The following ZFYVE28 variants were observed in gnomAD, a reference collection of about 807,000 sequenced individuals.
ZFYVE28 encodes the protein zinc finger FYVE-type containing 28.
ZFYVE28 carries 40 observed loss-of-function variants against 82.1 expected under a neutral mutation model. That is an observed-to-expected ratio of 0.49 (90% CI 0.38 to 0.63). The LOEUF (loss-of-function observed/expected upper bound fraction) is 0.63. ZFYVE28 is among the 30% of genes least tolerant of loss of function. ZFYVE28 has a pLI of 0.00. For synonymous variants in ZFYVE28, 612 were observed against 546.1 expected (o/e 1.12, Z -1.68); for missense variants, 1,321 against 1,242.1 (o/e 1.06, Z -0.96).
At chr4:2,328,196 T>C (rs764982095) in intron 6 of ZFYVE28, among the ~76,000 whole-genome samples, 1 of 152,130 alleles carries the variant, frequency 6.6e-6, no homozygotes, top group Non-Finnish European at 1.5e-5. Flanking sequence ...GTGGTATATA[T>C]ACACAATAGA....
intron 6 of ZFYVE28, among the ~76,000 whole-genome samples, chr4:2,333,070 C>T (rs369403304): frequency 6.6e-6 from 1 of 151,982 alleles, no homozygotes; most frequent in Non-Finnish European, 1.5e-5. Flanking sequence ...GGCTCTCCCA[C>T]TGTCCTGAGC....
intron 7 of ZFYVE28, among the ~76,000 whole-genome samples, chr4:2,306,196 G>A (rs1163644328): frequency 2.6e-5 from 4 of 152,268 alleles, no homozygotes; most frequent in Non-Finnish European, 1.5e-5. Flanking sequence ...AGTTAATTCA[G>A]TGATGCTGAG....
In ZFYVE28 at chr4:2,408,917, C is replaced by G. The variant is rs993196258; in HGVS notation, c.39+9368G>C. ...GTTTCTAAGTGGACCTTCCCATGCA[C>G]TCAGCTTTAGGTTTTAGTTTCCTCT... is the stretch of plus-strand genomic sequence containing the variant. On this transcript the variant is annotated intron_variant, in intron 1 of 12. Transcript: ENST00000290974. The surrounding 1 kb of genome is among the most constrained non-coding windows in gnomAD (Gnocchi z 4.3). Among the ~76,000 whole-genome samples, 3 of 152,234 alleles carry G rather than the reference C, an allele frequency of 2.0e-5. No individual in the cohort carries two copies. The highest frequency in any genetic ancestry group is 6.5e-5 in the Admixed American group (1 of 15,288).
rs1560330940 is a variant in ZFYVE28, at chr4:2,394,651, GGTCACAGGCAGGGGCCTGGGTGTCGT to G, written c.39+23608_39+23633del. Among the ~76,000 whole-genome samples, 1 of 152,228 alleles carries G rather than the reference GGTCACAGGCAGGGGCCTGGGTGTCGT, an allele frequency of 6.6e-6. No individual in the cohort carries two copies. ...ATGCTTCCAGCTGCTCGGGCTGCTC[GGTCACAGGCAGGGGCCTGGGTGTCGT>G]GTCACACAGGTCTGCGATCCGATCC... On this transcript the variant is annotated intron_variant, in intron 1 of 12. Coordinates refer to ENST00000290974, the MANE Select transcript of ZFYVE28 (RefSeq NM_020972.3). This position sits in a 1 kb window ranked among gnomAD's most constrained non-coding sequence, Gnocchi z 4.0.
At chr4:2,283,081 T>C (rs1367192944) in intron 8 of ZFYVE28, among the ~76,000 whole-genome samples, 1 of 119,552 alleles carries the variant, frequency 8.4e-6, no homozygotes, top group Non-Finnish European at 1.7e-5. Flanking sequence ...AATGGTGGGC[T>C]GGCTGCTTCT....
At chr4:2,315,396 G>T (rs140647446) in intron 7 of ZFYVE28, among the ~76,000 whole-genome samples, 1 of 151,864 alleles carries the variant, frequency 6.6e-6, no homozygotes, top group African/African-American at 2.4e-5. Context: ...AGTGATTCTC[G>T]TGTCTCAGCT....
At chr4:2,334,627 C>T (rs1157247001) in intron 6 of ZFYVE28, among the ~76,000 whole-genome samples, 2 of 151,656 alleles carry the variant, frequency 1.3e-5, no homozygotes, top group African/African-American at 2.4e-5. Flanking sequence ...TGCCCACCCC[C>T]CACTCCCCGA....
chr4:2,315,501 T>C (rs1268354041), intron 7 of ZFYVE28, among the ~76,000 whole-genome samples: 1 of 151,914 alleles, frequency 6.6e-6, no homozygotes, highest in Non-Finnish European at 1.5e-5. Context: ...CTCCAACTCC[T>C]GGCTCAAGTG....
chr4:2,401,047 A>G (rs1224293306), intron 1 of ZFYVE28, among the ~76,000 whole-genome samples: 1 of 152,114 alleles, frequency 6.6e-6, no homozygotes, highest in East Asian at 1.9e-4. Context: ...CGTCACACAC[A>G]CCCTGAGAAT....
At position 2,304,153 on chromosome 4, in the gene ZFYVE28, A is replaced by G. The variant is rs1451671805; in HGVS notation, c.2051+136T>C. 12 of 1,166,578 alleles carry G rather than the reference A, an allele frequency of 1.0e-5. 1 individual carries two copies. Among genetic ancestry groups the G allele is most frequent in the African/African-American group, 6.1e-5 (4 of 65,252 alleles). 72.3% of individuals were successfully genotyped at this position (1,166,578 alleles called of 1,614,324 possible). A position where few individuals can be genotyped will look rare whatever the true frequency, so the allele number is the denominator to read the frequency against. On this transcript the variant is annotated intron_variant, in intron 8 of 12. Transcript: ENST00000290974. ...GCCCCTCCTCACACACAGACCCCACACTCGGCCAGGGCCCAGCACCTGCCG... is the reference window on the plus strand; with the variant it reads ...GCCCCTCCTCACACACAGACCCCACGCTCGGCCAGGGCCCAGCACCTGCCG...
At chr4:2,302,885 T>C (rs1715794802) in intron 8 of ZFYVE28, among the ~76,000 whole-genome samples, 1 of 152,218 alleles carries the variant, frequency 6.6e-6, no homozygotes, top group Non-Finnish European at 1.5e-5. Context: ...CAGATGTTTC[T>C]CGACTTAACC....
In ZFYVE28 at chr4:2,273,188, C is replaced by T. The variant is rs771772842; in HGVS notation, c.2308G>A (p.Glu770Lys). ...MATKPETDDKEKLRKVTQTLR... is the reference protein window; with the variant it reads ...MATKPETDDKKKLRKVTQTLR... ...GGGCACTCACCCTTCCTTAACTTTT[C>T]CTTGTCGTCTGTTTCAGGCTTGGTG... is the stretch of plus-strand genomic sequence containing the variant. Residue 770 changes from glutamate to lysine, a missense_variant, in exon 10 of 13, where the codon GAA (glutamate) becomes AAA (lysine). Glu to Lys is a moderately conservative substitution (Grantham distance 56). This residue lies in a region of ZFYVE28 where 978 missense variants were observed against 833.7 expected (regional missense o/e 1.17). Coordinates refer to ENST00000290974, the MANE Select transcript of ZFYVE28 (RefSeq NM_020972.3). 5.0e-6 allele frequency: 8 copies of T among 1,613,662 alleles called. No individual in the cohort carries two copies. In the Middle Eastern group the frequency reaches 6.6e-4, roughly 134 times the overall value.
At chr4:2,387,832 G>A (rs932443939) in intron 1 of ZFYVE28, among the ~76,000 whole-genome samples, 2 of 152,246 alleles carry the variant, frequency 1.3e-5, no homozygotes, top group African/African-American at 4.8e-5. Flanking sequence ...AGAACTACCC[G>A]ATAAGGAATT....
At chr4:2,396,973 C>T (rs1204818136) in intron 1 of ZFYVE28, among the ~76,000 whole-genome samples, 1 of 152,158 alleles carries the variant, frequency 6.6e-6, no homozygotes, top group East Asian at 1.9e-4. Flanking sequence ...CCGAGAACAG[C>T]CGGGTGGGGC....
chr4:2,313,901 T>C (rs1191116184), intron 7 of ZFYVE28, among the ~76,000 whole-genome samples: 3 of 151,926 alleles, frequency 2.0e-5, no homozygotes, highest in Non-Finnish European at 4.4e-5. Flanking sequence ...GGATGTAACT[T>C]ACACATGTAA....
At chr4:2,283,282 G>T (rs907757012) in intron 8 of ZFYVE28, among the ~76,000 whole-genome samples, 1 of 143,478 alleles carries the variant, frequency 7.0e-6, no homozygotes, top group Non-Finnish European at 1.5e-5. Context: ...CCACCAATCC[G>T]TCTACCCATC....
In ZFYVE28 at chr4:2,335,539, G is replaced by C. The variant is rs1426179928; in HGVS notation, c.701+166C>G. On this transcript the variant is annotated intron_variant, in intron 6 of 12. Coordinates refer to ENST00000290974, the MANE Select transcript of ZFYVE28 (RefSeq NM_020972.3). This position sits in a 1 kb window ranked among gnomAD's most constrained non-coding sequence, Gnocchi z 5.8. ...GGGCACTCAGGACACGTGGTCCCCT[G>C]GTCTGCTGAGGGCTGACAGCAGGCC... Among the ~76,000 whole-genome samples the C allele has an allele frequency of 6.6e-6, 1 of 152,174 alleles. No homozygotes were observed.
At chr4:2,305,562 G>C in intron 7 of ZFYVE28, 26 bp from the exon 8 acceptor site, 11 of 1,612,464 alleles carry the variant, frequency 6.8e-6, no homozygotes, top group Non-Finnish European at 9.3e-6. Context: ...AAACCCAAGG[G>C]TGAGGGTCCC....
At chr4:2,330,788 G>A (rs1257600672) in intron 6 of ZFYVE28, 4 of 1,527,794 alleles carry the variant, frequency 2.6e-6, no homozygotes, top group Non-Finnish European at 2.6e-6. Context: ...GGACAGTCAA[G>A]GGGACCCTGA....
Sources: gnomAD v4.1 joint callset for allele counts (sites outside exome capture counted in the v4.1 genomes callset) on GRCh38, gnomAD v4.1.1 for gene constraint, gnomAD v4.1.1 regional missense constraint, Gnocchi (gnomAD v3.1) non-coding constraint, MANE v1.5 for transcripts, NCBI Gene and HGNC (gene_info 2026-07-23, HGNC 2026-07-21) for gene names.